The following AKAP1 variants were observed in gnomAD, a reference collection of about 807,000 sequenced individuals.
The protein encoded by AKAP1 is A-kinase anchor protein 1, mitochondrial.
AKAP1 carries 32 observed loss-of-function variants against 79.8 expected under a neutral mutation model. The observed-to-expected ratio is 0.40, with a 90% CI of 0.30 to 0.54. The LOEUF (loss-of-function observed/expected upper bound fraction) is 0.54, where lower values mean the gene tolerates loss of function less well. AKAP1 is among the 20% of genes least tolerant of loss of function. The pLI, the probability that AKAP1 is intolerant of heterozygous loss-of-function variation, is 0.47. For missense variants in AKAP1, 961 were observed against 1,138.9 expected, an observed-to-expected ratio of 0.84 and a Z score of 2.25; for synonymous variants, 416 against 466.7, an observed-to-expected ratio of 0.89 and a Z score of 1.40.
chr17:57,087,303 C>T (rs1913519365), intron 1 of AKAP1, among the ~76,000 whole-genome samples: 1 of 152,174 alleles, frequency 6.6e-6, no homozygotes, highest in Non-Finnish European at 1.5e-5. Context: ...AATATCTCTC[C>T]CATCTCCCAG....
chr17:57,106,705 C>T lies in AKAP1; in HGVS notation c.1241C>T (p.Pro414Leu), dbSNP rs147545374. 124 of 1,614,044 alleles carry T rather than the reference C, an allele frequency of 7.7e-5. 1 individual carries two copies. In the African/African-American group the frequency reaches 1.0e-3, roughly 13 times the overall value. The change falls in exon 2 of 11, where the codon CCG becomes CTG. Residue 414 changes from proline (P) to leucine (L), a missense_variant. Pro to Leu is a moderately conservative substitution (Grantham distance 98, BLOSUM62 -3). Coordinates refer to ENST00000337714, the MANE Select transcript of AKAP1 (RefSeq NM_003488.4). ...EPATAEAAVA[P>L]PDAGLPLPGL... ...GCCACAGCAGAGGCAGCTGTTGCCC[C>T]GCCGGATGCTGGCCTCCCCTTGCCA...
chr17:57,117,731 C>T (rs2144786077), intron 8 of AKAP1, among the ~76,000 whole-genome samples: 1 of 152,312 alleles, frequency 6.6e-6, no homozygotes, highest in Admixed American at 6.5e-5. Context: ...TGTCCAGACC[C>T]AGCTGAAACT....
In AKAP1 at chr17:57,106,950, C is replaced by G; in HGVS notation, c.1486C>G (p.Gln496Glu). The change falls in exon 2 of 11, where the codon CAA becomes GAA. Residue 496 changes from glutamine to glutamate, a missense_variant. Gln to Glu is a conservative substitution (Grantham distance 29). Around this residue, in one of 3 missense-constraint regions of AKAP1, gnomAD observed 629 missense variants for 781.1 expected, o/e 0.81. Coordinates refer to ENST00000337714, the MANE Select transcript of AKAP1 (RefSeq NM_003488.4). ...TGTCACCTGCATGTCAGACAGCAGCCAAAGTGTCCCTTTGGTGGCTTCTCC... is the reference window on the plus strand; with the variant it reads ...TGTCACCTGCATGTCAGACAGCAGCGAAAGTGTCCCTTTGGTGGCTTCTCC... ...TCVTCMSDSS[Q>E]SVPLVASPGH... is the part of the protein sequence containing the mutation. 6.2e-7 allele frequency: 1 copy of G among 1,614,068 alleles called. No individual in the cohort carries two copies. Among genetic ancestry groups the G allele is most frequent in the Non-Finnish European group, 8.5e-7 (1 of 1,179,896 alleles).
chr17:57,101,125 A>G (rs1914480224), intron 1 of AKAP1, among the ~76,000 whole-genome samples: 1 of 152,230 alleles, frequency 6.6e-6, no homozygotes, highest in Admixed American at 6.5e-5. Context: ...TTGAAAGACA[A>G]TTGAACACAA....
In AKAP1 at chr17:57,105,951, G is replaced by A; in HGVS notation, c.487G>A (p.Glu163Lys). ...TGTACTATTCTCCAGCAAATCAGCT[G>A]AGGTGTGTAAGCAAGATTCCCCCTT... Reference protein sequence around the residue: ...KGVLFSSKSAEVCKQDSPFSR... With the variant: ...KGVLFSSKSAKVCKQDSPFSR... The change falls in exon 2 of 11, where the codon GAG becomes AAG. Residue 163 changes from glutamate to lysine, a missense_variant. Physicochemically the swap from Glu to Lys is moderately conservative, Grantham distance 56 (BLOSUM62 1). Transcript: ENST00000337714. 2 of 1,614,238 alleles carry A rather than the reference G, an allele frequency of 1.2e-6. No homozygotes were observed. Among genetic ancestry groups the A allele is most frequent in the Non-Finnish European group, 1.7e-6 (2 of 1,180,042 alleles).
At chr17:57,100,559 G>C (rs773261802) in intron 1 of AKAP1, among the ~76,000 whole-genome samples, 1 of 152,324 alleles carries the variant, frequency 6.6e-6, no homozygotes, top group Non-Finnish European at 1.5e-5. Context: ...AGAGGTTGCT[G>C]TAAGCCGAGA....
rs766172258 is a variant in AKAP1 at position 57,109,997 on chromosome 17, T to TGC, written c.1715-26_1715-25dup. 72 of 1,612,310 alleles carry TGC rather than the reference T, an allele frequency of 4.5e-5. No individual in the cohort carries two copies. In the African/African-American group the frequency reaches 7.6e-4, roughly 17 times the overall value. The stretch of plus-strand genomic sequence containing the variant: ...CTGCTCTGAGTGGGGTCTGTGTGTG[T>TGC]GCGTGCCTGCTGCTTCTTCCCCTGC... On this transcript the variant is annotated intron_variant, in intron 2 of 10. Coordinates refer to ENST00000337714, the MANE Select transcript of AKAP1 (RefSeq NM_003488.4).
At chr17:57,096,063 C>T (rs759772276) in intron 1 of AKAP1, 1 of 152,158 alleles carries the variant, frequency 6.6e-6, no homozygotes, top group Non-Finnish European at 1.5e-5. Context: ...TTTTCCTTCA[C>T]GAAAAGAGGC....
chr17:57,117,901 T>C (rs1010967113), intron 8 of AKAP1, among the ~76,000 whole-genome samples: 5 of 152,188 alleles, frequency 3.3e-5, no homozygotes, highest in African/African-American at 9.7e-5. Context: ...GCTGGCCTTA[T>C]TGGGCTGTGT....
rs1180494817 is a variant in AKAP1 at position 57,111,873 on chromosome 17, T to C, written c.1924T>C (p.Tyr642His). The C allele has an allele frequency of 6.2e-7, 1 of 1,614,054 alleles. No individual in the cohort carries two copies. Among genetic ancestry groups the C allele is most frequent in the Non-Finnish European group, 8.5e-7 (1 of 1,180,036 alleles). ...GAAGCAAACATCTGGTGCCAAGATC[T>C]ACATTTCAACCCTGCCTTACACCCA... ...FLKQTSGAKI[Y>H]ISTLPYTQSV... The change falls in exon 4 of 11, where the codon TAC (tyrosine) becomes CAC (histidine). Residue 642 changes from tyrosine to histidine, a missense_variant. This residue lies in a region of AKAP1 where 629 missense variants were observed against 781.1 expected (regional missense o/e 0.81). Coordinates refer to ENST00000337714, the MANE Select transcript of AKAP1 (RefSeq NM_003488.4).
At chr17:57,096,847 A>G (rs1914144397) in intron 1 of AKAP1, 1 of 152,228 alleles carries the variant, frequency 6.6e-6, no homozygotes, top group Admixed American at 6.5e-5. Context: ...TGCATTGTCC[A>G]GTAGGTAGCT....
In AKAP1 at chr17:57,086,253, C is replaced by A. The variant is rs1913445630; in HGVS notation, c.-25+855C>A. On this transcript the variant is annotated intron_variant, in intron 1 of 10. Coordinates refer to ENST00000337714, the MANE Select transcript of AKAP1 (RefSeq NM_003488.4). This position sits in a 1 kb window ranked among gnomAD's most constrained non-coding sequence, Gnocchi z 5.1. ...CCCGGGGTCTGCGATCTGGAGGGAC[C>A]GCGCCAGTTTTGGGGTTACGATGTG... is the stretch of plus-strand genomic sequence containing the variant. The A allele has an allele frequency of 2.9e-6, 1 of 343,306 alleles. No homozygotes were observed. Among genetic ancestry groups the A allele is most frequent in the South Asian group, 2.1e-5 (1 of 48,114 alleles). The allele number at this position is 343,306 out of a possible 1,614,324, so 21.3% of individuals were successfully genotyped here. A position where few individuals can be genotyped will look rare whatever the true frequency, so the allele number is the denominator to read the frequency against.
chr17:57,118,874 C>T, intron 9 of AKAP1, 108 bp from the exon 10 acceptor site: 4 of 1,235,384 alleles, frequency 3.2e-6, no homozygotes, highest in Admixed American at 1.7e-5. Context: ...CACCTCCCAC[C>T]AGGTCTCTCC....
chr17:57,116,647 A>C (rs1235068394), intron 7 of AKAP1, among the ~76,000 whole-genome samples: 1 of 152,190 alleles, frequency 6.6e-6, no homozygotes, highest in African/African-American at 2.4e-5. Context: ...CTTTTTAGGA[A>C]TTTGTCATAG....
intron 10 of AKAP1, among the ~76,000 whole-genome samples, chr17:57,119,935 G>A (rs149723729): frequency 5.5e-5 from 8 of 146,132 alleles, no homozygotes; most frequent in East Asian, 4.2e-4. Context: ...GGGTTCAAGC[G>A]ATTCTGCTTC....
At chr17:57,117,679 G>A (rs539964360) in intron 8 of AKAP1, among the ~76,000 whole-genome samples, 8 of 150,438 alleles carry the variant, frequency 5.3e-5, no homozygotes, top group Non-Finnish European at 3.0e-5. Flanking sequence ...TTTTATTGCT[G>A]TTGCCCCTCC....
At chr17:57,087,563 C>G (rs957509822) in intron 1 of AKAP1, among the ~76,000 whole-genome samples, 1 of 152,132 alleles carries the variant, frequency 6.6e-6, no homozygotes, top group African/African-American at 2.4e-5. Context: ...CTTTTCCTGT[C>G]CTAAAGACAA....
chr17:57,119,111 C>A, intron 10 of AKAP1, 67 bp downstream of exon 10: 1 of 1,540,278 alleles, frequency 6.5e-7, no homozygotes, highest in South Asian at 1.1e-5. Context: ...AGGAGCTGGT[C>A]CTGGGATTTG....
rs1913724709 is a variant in AKAP1 at position 57,090,521 on chromosome 17, A to ATT, written c.-25+5125_-25+5126dup. Among the ~76,000 whole-genome samples the ATT allele has an allele frequency of 2.0e-5, 3 of 146,610 alleles. No homozygotes were observed. In the South Asian group the frequency reaches 6.7e-4, roughly 33 times the overall value. ...CCCCCATGCTCATTGGTTGTTGCTT[A>ATT]TTTACTGCCCCTTTATCACCACATC... On this transcript the variant is annotated intron_variant, in intron 1 of 10. Coordinates refer to ENST00000337714, the MANE Select transcript of AKAP1 (RefSeq NM_003488.4).
Sources: gnomAD v4.1 joint callset for allele counts (sites outside exome capture counted in the v4.1 genomes callset) on GRCh38, gnomAD v4.1.1 for gene constraint, gnomAD v4.1.1 regional missense constraint, Gnocchi (gnomAD v3.1) non-coding constraint, MANE v1.5 for transcripts, NCBI Gene and HGNC (gene_info 2026-07-23, HGNC 2026-07-21) for gene names.